The following PSG3 variants were observed in gnomAD, a reference collection of about 807,000 sequenced individuals.
PSG3 encodes pregnancy specific beta-1-glycoprotein 3.
A neutral mutation model predicts 47.5 loss-of-function variants in PSG3; 61 were observed. That is an observed-to-expected ratio of 1.28 (90% confidence interval 1.05 to 1.59). The LOEUF is 1.59. Among genes scored for constraint, PSG3 ranks in the 40% most tolerant of loss-of-function variants. PSG3 has a pLI of 0.00. For missense variants in PSG3, 756 were observed against 524.0 expected, an observed-to-expected ratio of 1.44 and a Z score of -4.32; for synonymous variants, 263 against 198.4, an observed-to-expected ratio of 1.33 and a Z score of -2.74.
intron 3 of PSG3, among the ~76,000 whole-genome samples, chr19:42,731,506 C>T (rs1055998683): frequency 6.6e-6 from 1 of 152,034 alleles, no homozygotes; most frequent in Non-Finnish European, 1.5e-5. Flanking sequence ...TTTTGAAGGC[C>T]TTGGGATGTG....
rs770896299 is a variant in PSG3 at position 42,733,020 on chromosome 19, G to T, written c.473C>A (p.Pro158His). The part of the protein sequence containing the change: ...KPSISSSNLY[P>H]REDMEAVSLT... ...GCTCACAGCCTCCATGTCCTCCCTG[G>T]GGTATAAGTTGCTGCTGGAGATGGA... Residue 158 changes from proline (P) to histidine (H), a missense_variant, in exon 3 of 7, where the codon CCC (proline) becomes CAC (histidine). Physicochemically the swap from Pro to His is moderately conservative, Grantham distance 77. Coordinates refer to ENST00000327495, the MANE Select transcript of PSG3 (RefSeq NM_021016.4). 14 of 1,613,992 alleles carry T rather than the reference G, an allele frequency of 8.7e-6. No individual in the cohort carries two copies. The Admixed American group carries it at 2.0e-4, about 23-fold the overall frequency.
intron 3 of PSG3, 23 bp downstream of exon 3, chr19:42,732,761 A>G (rs757436654): frequency 1.9e-6 from 3 of 1,614,170 alleles, no homozygotes; most frequent in Admixed American, 3.3e-5. Context: ...AGACTGGCTC[A>G]CAGAGGAACA....
rs146158978 is a variant in PSG3, at chr19:42,729,939, T to C, written c.827A>G (p.Asn276Ser). ...SENYTYIWWLNGQSLPVSPRV... is the reference protein window; with the variant it reads ...SENYTYIWWLSGQSLPVSPRV... Reference sequence around the variant, plus strand: ...GGGACTGACCGGGAGGCTCTGACCATTTAGCCACCAAATGTAGGTGTAGTT... The same window carrying C: ...GGGACTGACCGGGAGGCTCTGACCACTTAGCCACCAAATGTAGGTGTAGTT... Residue 276 changes from asparagine to serine, a missense_variant, in exon 4 of 7, where the codon AAT (asparagine) becomes AGT (serine). Physicochemically the swap from Asn to Ser is conservative, Grantham distance 46 (BLOSUM62 1). Transcript: ENST00000327495. 6.2e-6 allele frequency: 10 copies of C among 1,612,102 alleles called. No individual in the cohort carries two copies. In the South Asian group the frequency reaches 7.7e-5, roughly 12 times the overall value.
chr19:42,737,737 C>G (rs1049347570), intron 2 of PSG3, among the ~76,000 whole-genome samples: 2 of 152,176 alleles, frequency 1.3e-5, no homozygotes, highest in African/African-American at 4.8e-5. Context: ...TGGCTCCAGA[C>G]ACACCTCATG....
Position 42,732,893 on chromosome 19 carries a change from C to T in PSG3, c.600G>A (p.Arg200=), listed in dbSNP as rs1434478745. The change falls in exon 3 of 7, where the codon AGG becomes AGA. Residue 200 remains arginine (R), a synonymous_variant. Transcript: ENST00000327495. The part of the protein sequence containing the change: ...THSLQLSKNK[R]TLFLFGVTKY... ...TTGTGACACCAAATAGAAAGAGGGTCCTTTTGTTTTTGGACAACTGCAAGC... is the reference window on the plus strand; with the variant it reads ...TTGTGACACCAAATAGAAAGAGGGTTCTTTTGTTTTTGGACAACTGCAAGC... 6.8e-6 allele frequency: 11 copies of T among 1,614,004 alleles called. No homozygotes were observed. Among genetic ancestry groups the T allele is most frequent in the East Asian group, 2.2e-5 (1 of 44,896 alleles).
At chr19:42,734,086 T>C (rs1377291257) in intron 2 of PSG3, 2 of 152,184 alleles carry the variant, frequency 1.3e-5, no homozygotes, top group South Asian at 2.1e-4. Flanking sequence ...GAGTGTAGAA[T>C]AGTAGTTTCC....
At chr19:42,736,999 C>A (rs1346668270) in intron 2 of PSG3, among the ~76,000 whole-genome samples, 1 of 151,996 alleles carries the variant, frequency 6.6e-6, no homozygotes, top group African/African-American at 2.4e-5. Context: ...ACAGGGCTTG[C>A]CAGTCAGAAT....
chr19:42,724,530 C>G (rs145543237), intron 5 of PSG3, among the ~76,000 whole-genome samples: 3 of 152,316 alleles, frequency 2.0e-5, no homozygotes, highest in African/African-American at 7.2e-5. Context: ...CTCTGAGGCT[C>G]TCTTTAACTC....
At position 42,721,901 on chromosome 19, in the gene PSG3, G is replaced by C. The variant is rs1442150338; in HGVS notation, c.*230C>G. The C allele has an allele frequency of 4.8e-6, 2 of 414,894 alleles. No individual in the cohort carries two copies. Among genetic ancestry groups the C allele is most frequent in the Non-Finnish European group, 8.8e-6 (2 of 226,084 alleles). The allele number at this position is 414,894 out of a possible 1,614,324, so 25.7% of individuals were successfully genotyped here. ...AAAATTGGGTTTTTTTCTTTGTCTT[G>C]AATTTCATGAAGTATCAGCCTGTTC... On this transcript the variant is annotated 3_prime_UTR_variant, in exon 7 of 7. Coordinates refer to ENST00000327495, the MANE Select transcript of PSG3 (RefSeq NM_021016.4).
chr19:42,728,588 G>T (rs899978151), intron 5 of PSG3, among the ~76,000 whole-genome samples: 4 of 152,214 alleles, frequency 2.6e-5, no homozygotes, highest in African/African-American at 9.6e-5. Flanking sequence ...CTCCACAGAT[G>T]CTGGTCCCAC....
At chr19:42,724,363 T>C (rs900160863) in intron 5 of PSG3, among the ~76,000 whole-genome samples, 2 of 152,232 alleles carry the variant, frequency 1.3e-5, no homozygotes, top group Non-Finnish European at 2.9e-5. Context: ...TCAGTGTCTC[T>C]GTTGTGGCAG....
chr19:42,724,107 G>C, intron 5 of PSG3, 82 bp from the exon 6 acceptor site: 1 of 1,497,728 alleles, frequency 6.7e-7, no homozygotes, highest in Non-Finnish European at 9.3e-7. Context: ...CATGTAACAT[G>C]AGGTACTCTA....
intron 1 of PSG3, chr19:42,739,445 C>T (rs1969630126): frequency 4.0e-6 from 1 of 250,134 alleles, no homozygotes; most frequent in East Asian, 9.0e-5. Context: ...CTTCAGAGAC[C>T]CTGGGTCTTC....
Position 42,729,324 on chromosome 19 carries a change from C to G in PSG3, c.1042G>C (p.Glu348Gln), listed in dbSNP as rs757110959. The G allele has an allele frequency of 9.3e-6, 15 of 1,614,032 alleles. No individual in the cohort carries two copies. Among genetic ancestry groups the G allele is most frequent in the South Asian group, 3.3e-5 (3 of 91,088 alleles). Residue 348 changes from glutamate to glutamine, a missense_variant, in exon 5 of 7, where the codon GAA becomes CAA. Transcript: ENST00000327495. ...GCGAAGCAGGACAAGTAGAGGTTTTCTCCTGAATGGTAATAGGTGAATGAA... is the reference window on the plus strand; with the variant it reads ...GCGAAGCAGGACAAGTAGAGGTTTTGTCCTGAATGGTAATAGGTGAATGAA... ...YPSFTYYHSG[E>Q]NLYLSCFADS...
chr19:42,732,568 C>A (rs948621545), intron 3 of PSG3: 18 of 1,151,134 alleles, frequency 1.6e-5, no homozygotes, highest in East Asian at 7.4e-5. Context: ...AAGCTGTGGA[C>A]GCTGAGTCTC....
At position 42,722,058 on chromosome 19, in the gene PSG3, G is replaced by A. The variant is rs551785333; in HGVS notation, c.*73C>T. 374 of 414,880 alleles carry A rather than the reference G, an allele frequency of 9.0e-4. 1 individual carries two copies. The highest frequency in any genetic ancestry group is 1.3e-3 in the Non-Finnish European group (289 of 226,148). The allele number at this position is 414,880 out of a possible 1,614,324, so 25.7% of individuals were successfully genotyped here. A position where few individuals can be genotyped will look rare whatever the true frequency, so the allele number is the denominator to read the frequency against. On this transcript the variant is annotated 3_prime_UTR_variant, in exon 7 of 7. Coordinates refer to ENST00000327495, the MANE Select transcript of PSG3 (RefSeq NM_021016.4). ...AAGCAATTTTGGACTGTAGCTGATG[G>A]TAAATACTTTGAGGAAGAATGAAAG...
At position 42,721,651 on chromosome 19, in the gene PSG3, G is replaced by A; in HGVS notation, c.*480C>T. 3.8e-6 allele frequency: 1 copy of A among 262,264 alleles called. No individual in the cohort carries two copies. The allele number at this position is 262,264 out of a possible 1,614,324, so 16.2% of individuals were successfully genotyped here. ...GAGAGCAGATCCTTACTGAACTTGT[G>A]CAGATAACTTTATTACCATAAACAT... On this transcript the variant is annotated 3_prime_UTR_variant, in exon 7 of 7. Coordinates refer to ENST00000327495, the MANE Select transcript of PSG3 (RefSeq NM_021016.4).
intron 2 of PSG3, 143 bp downstream of exon 2, chr19:42,738,581 G>A (rs1969605664): frequency 6.6e-7 from 1 of 1,507,386 alleles, no homozygotes; most frequent in Non-Finnish European, 9.1e-7. Flanking sequence ...TCTCTTCTGT[G>A]TGTGTCCTGC....
Position 42,737,876 on chromosome 19 carries a change from T to C in PSG3, c.430+848A>G, listed in dbSNP as rs142221280. Among the ~76,000 whole-genome samples the C allele has an allele frequency of 1.3e-3, 205 of 152,360 alleles. 1 individual carries two copies. Among genetic ancestry groups the C allele is most frequent in the African/African-American group, 4.6e-3 (190 of 41,576 alleles). On this transcript the variant is annotated intron_variant, in intron 2 of 6. Transcript: ENST00000327495. Reference sequence around the variant, plus strand: ...TGTGGCTTTTCATGCTATCTGTGAATAAATGTTAAATGATTCACAGTCACG... The same window carrying C: ...TGTGGCTTTTCATGCTATCTGTGAACAAATGTTAAATGATTCACAGTCACG...
Sources: allele counts gnomAD v4.1 joint callset (sites outside exome capture counted in the v4.1 genomes callset), GRCh38; gene constraint gnomAD v4.1.1; transcripts MANE v1.5; gene names NCBI Gene and HGNC (gene_info 2026-07-23, HGNC 2026-07-21).